Variants in PTBP3 observed in about 807,000 individuals in gnomAD.
PTBP3 encodes the protein polypyrimidine tract binding protein 3.
A neutral mutation model predicts 58.7 loss-of-function variants in PTBP3; 20 were observed. That is an observed-to-expected ratio of 0.34 (90% CI 0.24 to 0.50). The LOEUF (loss-of-function observed/expected upper bound fraction) is 0.50, where lower values mean the gene tolerates loss of function less well. Among genes scored for constraint, PTBP3 ranks in the 20% least tolerant of loss-of-function variants. The pLI, the probability that PTBP3 is intolerant of heterozygous loss-of-function variation, is 0.98. For missense variants in PTBP3, 509 were observed against 637.2 expected (o/e 0.80, Z 2.17); for synonymous variants, 185 against 219.8 (o/e 0.84, Z 1.40).
In PTBP3 at chr9:112,286,977, T is replaced by G. The variant is rs115910612; in HGVS notation, c.34+10855A>C. ...TCAAGTAAGAAATCTCTCTCCTCAT[T>G]CTAATCTTTATTCTTTTGAAGGAAA... On this transcript the variant is annotated intron_variant, in intron 2 of 13. Coordinates refer to ENST00000374257, the MANE Select transcript of PTBP3 (RefSeq NM_001163788.4). Among the ~76,000 whole-genome samples the G allele has an allele frequency of 5.7e-3, 874 of 152,242 alleles. 7 individuals are homozygous for G. Among genetic ancestry groups the G allele is most frequent in the African/African-American group, 0.02 (828 of 41,538 alleles).
At chr9:112,343,284 C>T in the PTBP3 span, among the ~76,000 whole-genome samples, 1 of 151,584 alleles carries the variant, frequency 6.6e-6, no homozygotes, top group Non-Finnish European at 1.5e-5. Flanking sequence ...TCTCAGCTCA[C>T]TGCAGCCTCT....
At chr9:112,333,671 T>G, upstream of PTBP3, 1 of 492,014 alleles carries the variant, frequency 2.0e-6, no homozygotes, top group Non-Finnish European at 3.4e-6. Flanking sequence ...CGCCCCCGCC[T>G]TCCCCACCCC....
At chr9:112,354,045 A>T in the PTBP3 span, among the ~76,000 whole-genome samples, 225 of 152,324 alleles carry the variant, frequency 1.5e-3, 1 homozygote, top group African/African-American at 4.8e-3. Flanking sequence ...CTGAGACCAC[A>T]TCACTAATAG....
intron 1 of PTBP3, chr9:112,333,073 G>GCCGCCT (rs1167639814): frequency 2.1e-5 from 26 of 1,266,286 alleles, no homozygotes; most frequent in Admixed American, 4.2e-5. Flanking sequence ...CGCCCCGCGC[G>GCCGCCT]CCGCCTCCGC....
At chr9:112,256,534 T>A (rs1484433924) in intron 5 of PTBP3, among the ~76,000 whole-genome samples, 2 of 151,754 alleles carry the variant, frequency 1.3e-5, no homozygotes, top group South Asian at 2.1e-4. Context: ...AATATGCAAT[T>A]TTTTTTTCCT....
intron 2 of PTBP3, 35 bp downstream of exon 2, chr9:112,297,797 A>T: frequency 6.9e-7 from 1 of 1,447,076 alleles, no homozygotes. Context: ...TGAAACCCAC[A>T]GAAATCAAAT....
At chr9:112,296,206 AAAC>A (rs1401905893) in intron 2 of PTBP3, among the ~76,000 whole-genome samples, 3 of 152,154 alleles carry the variant, frequency 2.0e-5, no homozygotes, top group Non-Finnish European at 4.4e-5. Context: ...GAATTTTTTA[AAAC>A]AACACCTAAA....
At chr9:112,256,053 A>C (rs1836332659) in intron 5 of PTBP3, among the ~76,000 whole-genome samples, 1 of 152,020 alleles carries the variant, frequency 6.6e-6, no homozygotes, top group African/African-American at 2.4e-5. Context: ...CAGGAGTTCA[A>C]GACCAGGGTG....
chr9:112,278,176 T>C (rs1036724229), intron 2 of PTBP3, among the ~76,000 whole-genome samples: 2 of 152,178 alleles, frequency 1.3e-5, no homozygotes, highest in Admixed American at 6.5e-5. Flanking sequence ...AATTTCAAAG[T>C]GTCTTACTAC....
intron 3 of PTBP3, among the ~76,000 whole-genome samples, chr9:112,271,612 G>C (rs1264326637): frequency 6.6e-6 from 1 of 152,076 alleles, no homozygotes; most frequent in East Asian, 1.9e-4. Flanking sequence ...TGTAATCCTA[G>C]GTTCTCAAGA....
intron 2 of PTBP3, among the ~76,000 whole-genome samples, chr9:112,287,247 T>C (rs1828165076): frequency 6.6e-6 from 1 of 152,138 alleles, no homozygotes; most frequent in African/African-American, 2.4e-5. Context: ...CCAACCATTT[T>C]TTTCAGCAAC....
At chr9:112,308,790 CACA>C (rs1182875683) in intron 1 of PTBP3, among the ~76,000 whole-genome samples, 2 of 151,666 alleles carry the variant, frequency 1.3e-5, no homozygotes, top group African/African-American at 4.8e-5. Flanking sequence ...TCCTTAGAAA[CACA>C]CAGCAAATTT....
rs931481012 is a variant in PTBP3 at position 112,333,438 on chromosome 9, C to A, written c.-52+32G>T. The A allele has an allele frequency of 2.5e-6, 4 of 1,570,152 alleles. No individual in the cohort carries two copies. The African/African-American group carries it at 5.6e-5, about 22-fold the overall frequency. On this transcript the variant is annotated intron_variant, in intron 1 of 13. Coordinates refer to ENST00000374257, the MANE Select transcript of PTBP3 (RefSeq NM_001163788.4). ...CGGGTGGAAGCGGCGCCAAGGCAACCCGGTGCGGCCGCCGCGCCGCCTAGT... is the reference window on the plus strand; with the variant it reads ...CGGGTGGAAGCGGCGCCAAGGCAACACGGTGCGGCCGCCGCGCCGCCTAGT...
rs1343645399 is a variant in PTBP3 at position 112,227,437 on chromosome 9, T to A, written c.1338A>T (p.Ser446=). 1.9e-6 allele frequency: 3 copies of A among 1,613,982 alleles called. No homozygotes were observed. The highest frequency in any genetic ancestry group is 2.5e-6 in the Non-Finnish European group (3 of 1,179,880). The part of the protein sequence containing the change: ...SKNFQNIFPP[S]ATLHLSNIPP... ...GAATGTTGGAAAGATGCAGAGTGGC[T>A]GATGGTGGAAAGATATTCTGGAAGT... The change falls in exon 12 of 14, where the codon TCA becomes TCT. Residue 446 remains serine (S), a synonymous_variant. Transcript: ENST00000374257.
chr9:112,235,783 A>G (rs939651847), intron 7 of PTBP3, among the ~76,000 whole-genome samples: 1 of 152,196 alleles, frequency 6.6e-6, no homozygotes, highest in African/African-American at 2.4e-5. Flanking sequence ...GAAGAAGGCT[A>G]AAGATACAGC....
intron 2 of PTBP3, among the ~76,000 whole-genome samples, chr9:112,293,887 A>T (rs1828553999): frequency 6.6e-6 from 1 of 152,226 alleles, no homozygotes; most frequent in East Asian, 1.9e-4. Context: ...CAAGAAACTA[A>T]GTAAGCCCCT....
the PTBP3 span, among the ~76,000 whole-genome samples, chr9:112,365,180 ATATG>A: frequency 7.3e-5 from 11 of 151,592 alleles, no homozygotes; most frequent in East Asian, 3.9e-4. Flanking sequence ...ATGTATCTAT[ATATG>A]TATGTATCTA....
At chr9:112,353,392 C>T in the PTBP3 span, among the ~76,000 whole-genome samples, 71 of 151,332 alleles carry the variant, frequency 4.7e-4, no homozygotes, top group African/African-American at 1.7e-3. Flanking sequence ...GAAAAAGGGA[C>T]AACTCTCTTT....
upstream of PTBP3, among the ~76,000 whole-genome samples, chr9:112,337,693 G>A (rs373628954): frequency 1.3e-5 from 2 of 152,162 alleles, no homozygotes; most frequent in African/African-American, 4.8e-5. Context: ...TTGTGTTTTT[G>A]TTCTGATTTG....
Sources: gnomAD v4.1 joint callset for allele counts (sites outside exome capture counted in the v4.1 genomes callset) on GRCh38, gnomAD v4.1.1 for gene constraint, MANE v1.5 for transcripts, NCBI Gene and HGNC (gene_info 2026-07-23, HGNC 2026-07-21) for gene names.